The following PDE4D variants were observed in gnomAD, a reference collection of about 807,000 sequenced individuals.
PDE4D encodes phosphodiesterase 4D, also known as 3',5'-cyclic-AMP phosphodiesterase 4D.
PDE4D carries 24 observed loss-of-function variants against 87.4 expected under a neutral mutation model. That is an observed-to-expected ratio of 0.27 (90% CI 0.20 to 0.39). The LOEUF (loss-of-function observed/expected upper bound fraction) is 0.39. Ranked by LOEUF, PDE4D falls within the 10% of genes least tolerant of loss-of-function variation. PDE4D has a pLI of 1.00. For missense variants in PDE4D, 714 were observed against 1,041.0 expected (o/e 0.69, Z 4.32); for synonymous variants, 384 against 383.2 (o/e 1.00, Z -0.02).
intron 1 of PDE4D, among the ~76,000 whole-genome samples, chr5:59,852,171 C>T (rs1356657633): frequency 1.3e-5 from 2 of 151,966 alleles, no homozygotes; most frequent in African/African-American, 4.8e-5. Flanking sequence ...CACTGAGGGC[C>T]AGAAAGCAGT....
rs1415709092 is a variant in PDE4D at position 58,975,548 on chromosome 5, C to CAAAGT, written c.2013+104_2013+108dup. On this transcript the variant is annotated intron_variant, in intron 14 of 14. Coordinates refer to ENST00000340635, the MANE Select transcript of PDE4D (RefSeq NM_001104631.2). This position sits in a 1 kb window ranked among gnomAD's most constrained non-coding sequence, Gnocchi z 4.2. The stretch of plus-strand genomic sequence containing the variant: ...AAGGTGAAATTGAGCTTGTCAAAAA[C>CAAAGT]AAAGTAATTTTAAAAATCCAGTAAA... 4.5e-6 allele frequency: 4 copies of CAAAGT among 890,516 alleles called. No individual in the cohort carries two copies. The highest frequency in any genetic ancestry group is 6.3e-6 in the Non-Finnish European group (4 of 639,604). The allele number at this position is 890,516 out of a possible 1,614,324, so 55.2% of individuals were successfully genotyped here. A position where few individuals can be genotyped will look rare whatever the true frequency, so the allele number is the denominator to read the frequency against.
intron 1 of PDE4D, among the ~76,000 whole-genome samples, chr5:60,514,617 G>A (rs963896385): frequency 2.0e-5 from 3 of 151,950 alleles, no homozygotes; most frequent in Non-Finnish European, 4.4e-5. Context: ...ATTCAGAAAT[G>A]CCATTTGATA....
At chr5:59,649,931 T>TTTTTTTTTTTTTTTTTTTTTTTTATTA (rs1474090994) in intron 1 of PDE4D, among the ~76,000 whole-genome samples, 1 of 141,262 alleles carries the variant, frequency 7.1e-6, no homozygotes, top group Non-Finnish European at 1.5e-5. Flanking sequence ...TTTTTTTTTT[T>TTTTTTTTTTTTTTTTTTTTTTTTATTA]TAGCAATGAC....
intron 5 of PDE4D, among the ~76,000 whole-genome samples, chr5:59,125,036 G>C (rs1393592968): frequency 1.3e-5 from 2 of 151,624 alleles, no homozygotes; most frequent in Non-Finnish European, 2.9e-5. Context: ...CATGAAGAAC[G>C]AAGCAAGTTC....
rs182040197 is a variant in PDE4D, at chr5:59,754,550, G to A, written c.455+138618C>T. Among the ~76,000 whole-genome samples, 94 of 152,208 alleles carry A rather than the reference G, an allele frequency of 6.2e-4. 2 individuals carry two copies. In the South Asian group the frequency reaches 0.013, roughly 20 times the overall value. ...CATGAAATTTGTAATATTTATTTGC[G>A]TAACGGGCCCTGTATTTTCACTTTA... On this transcript the variant is annotated intron_variant, in intron 1 of 14. Transcript: ENST00000340635.
chr5:59,857,909 G>A (rs989411573), intron 1 of PDE4D, among the ~76,000 whole-genome samples: 68 of 133,920 alleles, frequency 5.1e-4, no homozygotes, highest in African/African-American at 1.8e-3. Flanking sequence ...AAGAAGGAAG[G>A]GGGGAGGGAA....
Position 59,384,846 on chromosome 5 carries a change from A to G in PDE4D, c.456-168878T>C, listed in dbSNP as rs116339534. Among the ~76,000 whole-genome samples the G allele has an allele frequency of 8.7e-3, 1,324 of 151,878 alleles. 23 individuals carry two copies. The highest frequency in any genetic ancestry group is 0.031 in the African/African-American group (1,267 of 41,442). ...CATAATAAACATTTAATTATCTTAT[A>G]CTGATCTCCAGTTCCCTTTTTTCAC... On this transcript the variant is annotated intron_variant, in intron 1 of 14. Coordinates refer to ENST00000340635, the MANE Select transcript of PDE4D (RefSeq NM_001104631.2).
chr5:60,474,514 G>A (rs1583880261), intron 1 of PDE4D, among the ~76,000 whole-genome samples: 1 of 152,192 alleles, frequency 6.6e-6, no homozygotes, highest in African/African-American at 2.4e-5. Context: ...TCATTGATGT[G>A]TCCTTCACCC....
intron 3 of PDE4D, among the ~76,000 whole-genome samples, chr5:59,911,661 G>C (rs976016080): frequency 6.6e-6 from 1 of 152,128 alleles, no homozygotes; most frequent in Non-Finnish European, 1.5e-5. Flanking sequence ...CAGGAGCATC[G>C]GTTGACTTAA....
chr5:60,094,867 C>T (rs972705302), intron 2 of PDE4D, among the ~76,000 whole-genome samples: 1 of 151,882 alleles, frequency 6.6e-6, no homozygotes, highest in African/African-American at 2.4e-5. Context: ...TATGGAAGCC[C>T]TACAGTTACT....
In PDE4D at chr5:60,137,047, G is replaced by A. The variant is rs547364170; in HGVS notation, c.42+48510C>T. ...TGCGTTCTGATCATCACTTATAAGT[G>A]AGAACATGTGGTATTTGGTTTTCTG... is the stretch of plus-strand genomic sequence containing the variant. On this transcript the variant is annotated intron_variant, in intron 2 of 16. Coordinates refer to the PDE4D transcript ENST00000502484. Among the ~76,000 whole-genome samples the A allele has an allele frequency of 4.6e-5, 7 of 152,248 alleles. No individual in the cohort carries two copies. In the South Asian group the frequency reaches 1.5e-3, roughly 32 times the overall value.
intron 1 of PDE4D, among the ~76,000 whole-genome samples, chr5:59,833,975 C>T (rs928446696): frequency 6.6e-6 from 1 of 151,830 alleles, no homozygotes; most frequent in African/African-American, 2.4e-5. Flanking sequence ...AAGAAACCAG[C>T]AAATGTTTAT....
At chr5:59,567,736 T>A (rs965710751) in intron 1 of PDE4D, among the ~76,000 whole-genome samples, 1 of 152,168 alleles carries the variant, frequency 6.6e-6, no homozygotes, top group African/African-American at 2.4e-5. Flanking sequence ...ATTGAACAAT[T>A]AAGTAAGCAA....
chr5:59,022,482 C>T (rs2936190), intron 6 of PDE4D, among the ~76,000 whole-genome samples: 127,657 of 152,132 alleles, frequency 0.84, 53,650 homozygotes, highest in Admixed American at 0.9. Flanking sequence ...AACCTCTTAA[C>T]AGGCTAATTT....
At chr5:59,292,193 C>T (rs1471106456) in intron 1 of PDE4D, among the ~76,000 whole-genome samples, 1 of 152,026 alleles carries the variant, frequency 6.6e-6, no homozygotes. Flanking sequence ...AGTCAGATTC[C>T]TGCAGGATTT....
At chr5:59,090,300 T>C (rs1040680466) in intron 5 of PDE4D, among the ~76,000 whole-genome samples, 1 of 152,134 alleles carries the variant, frequency 6.6e-6, no homozygotes, top group Admixed American at 6.6e-5. Flanking sequence ...GCATATAAAA[T>C]TTTACACCAT....
chr5:59,855,776 T>C (rs533497147), intron 1 of PDE4D, among the ~76,000 whole-genome samples: 2 of 152,304 alleles, frequency 1.3e-5, no homozygotes, highest in African/African-American at 4.8e-5. Flanking sequence ...AGAAAGAGCA[T>C]TTCTTCACAC....
At chr5:59,597,490 C>G (rs1362602641) in intron 1 of PDE4D, among the ~76,000 whole-genome samples, 1 of 151,398 alleles carries the variant, frequency 6.6e-6, no homozygotes, top group Non-Finnish European at 1.5e-5. Context: ...CATTAAATGT[C>G]AGTTTGTTTC....
chr5:60,401,660 G>T (rs918591), intron 1 of PDE4D, among the ~76,000 whole-genome samples: 1 of 152,002 alleles, frequency 6.6e-6, no homozygotes, highest in Non-Finnish European at 1.5e-5. Context: ...AGGAGTCTAC[G>T]TGTTAAACGT....
Sources: gnomAD v4.1 joint callset for allele counts (sites outside exome capture counted in the v4.1 genomes callset) on GRCh38, gnomAD v4.1.1 for gene constraint, Gnocchi (gnomAD v3.1) non-coding constraint, MANE v1.5 for transcripts, NCBI Gene and HGNC (gene_info 2026-07-23, HGNC 2026-07-21) for gene names.